The following ARNT2 variants were observed in gnomAD, a reference collection of about 807,000 sequenced individuals.
The protein encoded by ARNT2 is aryl hydrocarbon receptor nuclear translocator 2.
ARNT2 carries 36 observed loss-of-function variants against 91.7 expected under a neutral mutation model. The observed-to-expected ratio is 0.39, with a 90% CI of 0.30 to 0.52. The LOEUF (loss-of-function observed/expected upper bound fraction) is 0.52, where lower values mean the gene tolerates loss of function less well. ARNT2 is among the 20% of genes least tolerant of loss of function. The pLI is 0.72. For missense variants in ARNT2, 775 were observed against 939.3 expected (o/e 0.83, Z 2.29); for synonymous variants, 365 against 347.1 (o/e 1.05, Z -0.57).
At chr15:80,543,554 C>T (rs1188845547) in intron 8 of ARNT2, among the ~76,000 whole-genome samples, 2 of 152,124 alleles carry the variant, frequency 1.3e-5, no homozygotes, top group Non-Finnish European at 1.5e-5. Flanking sequence ...CATGTTCCTT[C>T]CCTCCTCCTT....
At chr15:80,451,743 A>G (rs547219350) in intron 2 of ARNT2, among the ~76,000 whole-genome samples, 94 of 152,140 alleles carry the variant, frequency 6.2e-4, no homozygotes, top group African/African-American at 2.2e-3. Flanking sequence ...CCAACCAATC[A>G]ACCAACCAAC....
intron 8 of ARNT2, among the ~76,000 whole-genome samples, chr15:80,547,051 G>T (rs1406815525): frequency 1.3e-5 from 2 of 152,062 alleles, no homozygotes; most frequent in Admixed American, 1.3e-4. Context: ...ACAAGATGAG[G>T]TATAAAACTC....
chr15:80,440,131 C>A (rs540639534), intron 1 of ARNT2, among the ~76,000 whole-genome samples: 4 of 152,316 alleles, frequency 2.6e-5, no homozygotes, highest in African/African-American at 9.6e-5. Flanking sequence ...CTGACGGACA[C>A]CAATCCTTCC....
chr15:80,463,769 A>G (rs957632291), intron 3 of ARNT2, among the ~76,000 whole-genome samples: 1 of 151,920 alleles, frequency 6.6e-6, no homozygotes, highest in Admixed American at 6.5e-5. Flanking sequence ...TTGTAGAGAC[A>G]GGGTTTCACC....
chr15:80,462,795 A>G (rs1372028129), intron 3 of ARNT2, among the ~76,000 whole-genome samples: 1 of 152,248 alleles, frequency 6.6e-6, no homozygotes, highest in Non-Finnish European at 1.5e-5. Context: ...AGAGTTAGCC[A>G]GTGAACCTCT....
At chr15:80,588,250 A>G (rs113740119) in intron 17 of ARNT2, among the ~76,000 whole-genome samples, 107 of 152,236 alleles carry the variant, frequency 7.0e-4, no homozygotes, top group African/African-American at 2.5e-3. Context: ...CAACAAGCCT[A>G]GGCACCTCCT....
At chr15:80,462,140 G>T (rs764229080) in intron 3 of ARNT2, among the ~76,000 whole-genome samples, 11 of 152,060 alleles carry the variant, frequency 7.2e-5, no homozygotes, top group Non-Finnish European at 1.0e-4. Context: ...CAAGCAGAGG[G>T]CCAAAGCCTT....
chr15:80,467,468 G>A (rs1896672206), intron 3 of ARNT2, among the ~76,000 whole-genome samples: 2 of 152,198 alleles, frequency 1.3e-5, no homozygotes, highest in South Asian at 4.1e-4. Context: ...CCTAATGAGC[G>A]AGATCCCAGA....
chr15:80,422,677 G>A (rs1178265780), intron 1 of ARNT2, among the ~76,000 whole-genome samples: 2 of 152,156 alleles, frequency 1.3e-5, no homozygotes, highest in African/African-American at 4.8e-5. Context: ...ATAACAACAT[G>A]TACTTTGTGA....
At chr15:80,430,299 C>T (rs534724350) in intron 1 of ARNT2, among the ~76,000 whole-genome samples, 1 of 152,322 alleles carries the variant, frequency 6.6e-6, no homozygotes, top group East Asian at 1.9e-4. Flanking sequence ...CAAGCAGCCT[C>T]CACTCTCACC....
chr15:80,568,438 ATG>A (rs141243980), intron 12 of ARNT2, among the ~76,000 whole-genome samples: 2 of 151,672 alleles, frequency 1.3e-5, no homozygotes, highest in Non-Finnish European at 2.9e-5. Flanking sequence ...GTGCTCGTGT[ATG>A]TGTGTGTGTG....
intron 8 of ARNT2, among the ~76,000 whole-genome samples, chr15:80,543,094 C>CAAAAAA (rs368917679): frequency 4.6e-5 from 4 of 86,682 alleles, no homozygotes; most frequent in Non-Finnish European, 4.8e-5. Context: ...CAGACCCGGT[C>CAAAAAA]AAAAAAAAAA....
Position 80,575,046 on chromosome 15 carries a change from G to C in ARNT2, c.1449G>C (p.Ala483=), listed in dbSNP as rs373698120. 6.2e-7 allele frequency: 1 copy of C among 1,614,036 alleles called. No individual in the cohort carries two copies. Among genetic ancestry groups the C allele is most frequent in the Non-Finnish European group, 8.5e-7 (1 of 1,180,034 alleles). The change falls in exon 14 of 19, where the codon GCG becomes GCC. Residue 483 remains alanine, a synonymous_variant. Coordinates refer to ENST00000303329, the MANE Select transcript of ARNT2 (RefSeq NM_014862.4). Reference sequence around the variant, plus strand: ...AGGCCGGGAAGTCCGTGGAAAAGGCGGATGCAATCTTCTCCCAGGAAAGAG... The same window carrying C: ...AGGCCGGGAAGTCCGTGGAAAAGGCCGATGCAATCTTCTCCCAGGAAAGAG... The part of the protein sequence containing the change: ...VHEAGKSVEK[A]DAIFSQERDP...
chr15:80,411,457 C>G (rs1259209966), intron 1 of ARNT2, among the ~76,000 whole-genome samples: 1 of 152,158 alleles, frequency 6.6e-6, no homozygotes, highest in Non-Finnish European at 1.5e-5. Context: ...AAGCATATAT[C>G]CTATATTTGT....
rs957247909 is a variant in ARNT2, at chr15:80,481,472, G to A, written c.622+6249G>A. On this transcript the variant is annotated intron_variant, in intron 5 of 18. Coordinates refer to ENST00000303329, the MANE Select transcript of ARNT2 (RefSeq NM_014862.4). ...CACCTGTACTCCCAGCACTTTGGGA[G>A]GCTAAGGCAGGAGGACTGCTTGTGT... 2.0e-5 allele frequency among the ~76,000 whole-genome samples: 3 copies of A among 152,302 alleles called. No homozygotes were observed. The East Asian group carries it at 5.8e-4, about 29-fold the overall frequency.
At chr15:80,501,233 A>G (rs1219882860) in intron 5 of ARNT2, among the ~76,000 whole-genome samples, 1 of 152,030 alleles carries the variant, frequency 6.6e-6, no homozygotes, top group Non-Finnish European at 1.5e-5. Flanking sequence ...AAACAAAGTA[A>G]AAGTCTAATA....
rs565045483 is a variant in ARNT2 at position 80,430,559 on chromosome 15, G to T, written c.32-20321G>T. ...CCCAAAGCTACTGTAGATGCTGACT[G>T]TCCAGTCTCAACGGGAGCTGCAAAT... On this transcript the variant is annotated intron_variant, in intron 1 of 18. Transcript: ENST00000303329. Among the ~76,000 whole-genome samples the T allele has an allele frequency of 4.6e-5, 7 of 152,324 alleles. No individual in the cohort carries two copies. The East Asian group carries it at 7.7e-4, about 17-fold the overall frequency.
chr15:80,434,894 G>T (rs1052925436), intron 1 of ARNT2, among the ~76,000 whole-genome samples: 8 of 152,140 alleles, frequency 5.3e-5, no homozygotes, highest in Non-Finnish European at 7.3e-5. Context: ...CTGAGGTCCT[G>T]GGCGCAGGGT....
At chr15:80,452,048 A>AG (rs898477637) in intron 2 of ARNT2, among the ~76,000 whole-genome samples, 34 of 152,356 alleles carry the variant, frequency 2.2e-4, no homozygotes, top group Non-Finnish European at 4.3e-4. Flanking sequence ...TGATTCTTAA[A>AG]GGGGGCATAA....
Sources: gnomAD v4.1 joint callset for allele counts (sites outside exome capture counted in the v4.1 genomes callset) on GRCh38, gnomAD v4.1.1 for gene constraint, MANE v1.5 for transcripts, NCBI Gene and HGNC (gene_info 2026-07-23, HGNC 2026-07-21) for gene names.